NT5E: variants seen among roughly 807,000 people sequenced by gnomAD.
NT5E encodes 5'-nucleotidase.
Under a neutral mutation model 55.1 loss-of-function variants are expected in NT5E, and 53 were observed. That is an observed-to-expected ratio of 0.96 (90% CI 0.77 to 1.21). The LOEUF (loss-of-function observed/expected upper bound fraction) is 1.21. Ranked by LOEUF, NT5E falls within the 50% of genes most tolerant of loss-of-function variation. NT5E has a pLI of 0.00. For missense variants in NT5E, 683 were observed against 724.3 expected (o/e 0.94, Z 0.65); for synonymous variants, 270 against 278.4 (o/e 0.97, Z 0.30).
intron 1 of NT5E, among the ~76,000 whole-genome samples, chr6:85,455,365 AC>A (rs1414600903): frequency 5.9e-5 from 9 of 152,188 alleles, no homozygotes; most frequent in Non-Finnish European, 1.3e-4. Context: ...AACTTTCGGT[AC>A]CACCCACCAA....
At chr6:85,483,631 T>C (rs1769591750) in intron 3 of NT5E, among the ~76,000 whole-genome samples, 2 of 152,236 alleles carry the variant, frequency 1.3e-5, no homozygotes, top group Admixed American at 6.5e-5. Context: ...GCAACAACTA[T>C]TTCCTGCTTG....
intron 5 of NT5E, among the ~76,000 whole-genome samples, chr6:85,488,830 C>T (rs1769722394): frequency 6.6e-6 from 1 of 150,404 alleles, no homozygotes; most frequent in Non-Finnish European, 1.5e-5. Flanking sequence ...ATCCACCTGC[C>T]ACAGCCTCCC....
chr6:85,470,257 C>T lies in NT5E; in HGVS notation c.563-980C>T, dbSNP rs183906501. On this transcript the variant is annotated intron_variant, in intron 2 of 8. Transcript: ENST00000257770. ...GTTGGAGGAACCAGTTGCCTTGCTG[C>T]ACACAGAGAACCTGGGTTGCACAGT... Among the ~76,000 whole-genome samples, 12 of 152,292 alleles carry T rather than the reference C, an allele frequency of 7.9e-5. No homozygotes were observed. The East Asian group carries it at 2.3e-3, about 29-fold the overall frequency.
chr6:85,471,157 C>T, intron 2 of NT5E, 80 bp from the exon 3 acceptor site: 3 of 982,948 alleles, frequency 3.1e-6, no homozygotes, highest in Non-Finnish European at 4.5e-6. Flanking sequence ...AGGTGTTTAA[C>T]CTTTGCATGT....
chr6:85,456,295 T>A (rs989014790), intron 1 of NT5E, among the ~76,000 whole-genome samples: 1 of 152,220 alleles, frequency 6.6e-6, no homozygotes. Flanking sequence ...CCTAGTCGTA[T>A]GCTTTATAAT....
chr6:85,492,035 T>C lies in NT5E; in HGVS notation c.1419T>C (p.Asp473=), dbSNP rs1015716854. The C allele has an allele frequency of 1.2e-6, 2 of 1,614,100 alleles. No individual in the cohort carries two copies. The highest frequency in any genetic ancestry group is 1.7e-6 in the Non-Finnish European group (2 of 1,180,042). The change falls in exon 8 of 9, where the codon GAT becomes GAC. Residue 473 remains aspartate (D), a synonymous_variant. Transcript: ENST00000257770. ...RKPGDRVVKL[D]VLCTKCRVPS... ...CTGGAGACAGAGTAGTCAAATTAGA[T>C]GTTCTTTGCACCAAGTGTCGAGTGC...
intron 2 of NT5E, among the ~76,000 whole-genome samples, chr6:85,470,793 G>A (rs766009660): frequency 5.3e-5 from 8 of 152,170 alleles, no homozygotes; most frequent in Non-Finnish European, 1.2e-4. Flanking sequence ...TATTAAAATA[G>A]GCATTCAAGG....
At chr6:85,462,586 CTGTT>C (rs1769118048) in intron 1 of NT5E, among the ~76,000 whole-genome samples, 1 of 152,182 alleles carries the variant, frequency 6.6e-6, no homozygotes, top group African/African-American at 2.4e-5. Context: ...CTGTGTCTGT[CTGTT>C]CACACATCAG....
At chr6:85,472,531 T>C (rs1769336508) in intron 3 of NT5E, among the ~76,000 whole-genome samples, 2 of 152,248 alleles carry the variant, frequency 1.3e-5, no homozygotes, top group Admixed American at 1.3e-4. Flanking sequence ...CTTGAATGAC[T>C]TTGAGCAGGT....
rs112649778 is a variant in NT5E, at chr6:85,480,938, C to G, written c.752-4297C>G. 9.9e-3 allele frequency among the ~76,000 whole-genome samples: 1,508 copies of G among 152,234 alleles called. 17 individuals are homozygous for G. The highest frequency in any genetic ancestry group is 0.015 in the Non-Finnish European group (1,035 of 68,010). On this transcript the variant is annotated intron_variant, in intron 3 of 8. Transcript: ENST00000257770. Reference sequence around the variant, plus strand: ...TAGCAAAACCCATTCTCCTGTATCCCAACTCCCAGTTCAGGTTCCTCTTCA... The same window carrying G: ...TAGCAAAACCCATTCTCCTGTATCCGAACTCCCAGTTCAGGTTCCTCTTCA...
Position 85,485,413 on chromosome 6 carries a change from A to G in NT5E, c.930A>G (p.Leu310=). Residue 310 remains leucine (L), a synonymous_variant, in exon 4 of 9, where the codon CTA becomes CTG. Coordinates refer to ENST00000257770, the MANE Select transcript of NT5E (RefSeq NM_002526.4). ...CTTCCCATGGAAATCCCATTCTTCT[A>G]AACAGCAGCATTCCTGAAGGTAAGT... The part of the protein sequence containing the change: ...VISSHGNPIL[L]NSSIPEDPSI... 1 of 1,614,214 alleles carries G rather than the reference A, an allele frequency of 6.2e-7. No homozygotes were observed. The highest frequency in any genetic ancestry group is 8.5e-7 in the Non-Finnish European group (1 of 1,180,010).
At chr6:85,460,748 T>C (rs1456993727) in intron 1 of NT5E, among the ~76,000 whole-genome samples, 1 of 152,010 alleles carries the variant, frequency 6.6e-6, no homozygotes, top group Middle Eastern at 3.2e-3. Context: ...AATGGGTGAA[T>C]GAAAGAAATC....
At chr6:85,489,016 C>T (rs913441398) in intron 5 of NT5E, among the ~76,000 whole-genome samples, 1 of 151,888 alleles carries the variant, frequency 6.6e-6, no homozygotes, top group Non-Finnish European at 1.5e-5. Flanking sequence ...AAGGCTGTCT[C>T]TGTCTTTCCA....
chr6:85,485,295 AT>A lies in NT5E; in HGVS notation c.813del (p.Asp271GlufsTer7). The A allele has an allele frequency of 6.2e-7, 1 of 1,614,182 alleles. No individual in the cohort carries two copies. Among genetic ancestry groups the A allele is most frequent in the South Asian group, 1.1e-5 (1 of 91,084 alleles). ...TACCCATTCATAGTCACTTCTGATG[AT>A]GGGCGGAAGGTTCCTGTAGTCCAGG... is the stretch of plus-strand genomic sequence containing the variant. ...GKYPFIVTSDDGRKVPVVQAY... is the reference protein window; with the variant it reads ...GKYPFIVTSDXGRKVPVVQAY... On this transcript the variant is annotated frameshift_variant, in exon 4 of 9. Coordinates refer to ENST00000257770, the MANE Select transcript of NT5E (RefSeq NM_002526.4). LOFTEE classifies it high-confidence loss of function.
At chr6:85,465,054 GT>G (rs1310602050) in intron 1 of NT5E, among the ~76,000 whole-genome samples, 1 of 152,174 alleles carries the variant, frequency 6.6e-6, no homozygotes, top group Non-Finnish European at 1.5e-5. Context: ...GAGATTTTCG[GT>G]TTACAGTTGA....
At chr6:85,465,568 T>C (rs553091935) in intron 1 of NT5E, among the ~76,000 whole-genome samples, 1 of 152,198 alleles carries the variant, frequency 6.6e-6, no homozygotes, top group Non-Finnish European at 1.5e-5. Context: ...TCATCAGAGA[T>C]GGGGGAAAAG....
At chr6:85,456,045 C>G (rs1396887089) in intron 1 of NT5E, among the ~76,000 whole-genome samples, 2 of 152,172 alleles carry the variant, frequency 1.3e-5, no homozygotes, top group Non-Finnish European at 2.9e-5. Context: ...AGCCCTACCT[C>G]TCCCACTTCT....
In NT5E at chr6:85,487,477, T is replaced by C. The variant is rs1379412565; in HGVS notation, c.1092T>C (p.Ile364=). The C allele has an allele frequency of 6.2e-7, 1 of 1,614,102 alleles. No homozygotes were observed. Among genetic ancestry groups the C allele is most frequent in the Non-Finnish European group, 8.5e-7 (1 of 1,180,030 alleles). ...RFRECNMGNL[I]CDAMINNNLR... is the part of the protein sequence containing the mutation. ...GAGAATGCAACATGGGCAACCTGAT[T>C]TGTGATGCAATGGTAAGTCATCAGC... Residue 364 remains isoleucine, a synonymous_variant, in exon 5 of 9, where the codon ATT becomes ATC. Coordinates refer to ENST00000257770, the MANE Select transcript of NT5E (RefSeq NM_002526.4).
intron 3 of NT5E, among the ~76,000 whole-genome samples, chr6:85,472,449 C>A (rs1387401764): frequency 6.6e-6 from 1 of 152,096 alleles, no homozygotes; most frequent in African/African-American, 2.4e-5. Context: ...CTTTTGCAAT[C>A]GGAAAGCAAA....
Sources: allele counts gnomAD v4.1 joint callset (sites outside exome capture counted in the v4.1 genomes callset), GRCh38; gene constraint gnomAD v4.1.1; transcripts MANE v1.5; gene names NCBI Gene and HGNC (gene_info 2026-07-23, HGNC 2026-07-21).